ZNF503: variants seen among roughly 807,000 people sequenced by gnomAD.
ZNF503 encodes NocA-like zinc finger 2.
In ZNF503, 15 loss-of-function variants were observed where a neutral mutation model predicts 34.4. The observed-to-expected ratio is 0.44, with a 90% CI of 0.29 to 0.67. The LOEUF is 0.67. ZNF503 is among the 30% of genes least tolerant of loss of function. ZNF503 has a pLI of 0.13. For missense variants in ZNF503, 1,007 were observed against 926.8 expected, an observed-to-expected ratio of 1.09 and a Z score of -1.12; for synonymous variants, 580 against 456.8, an observed-to-expected ratio of 1.27 and a Z score of -3.44.
chr10:75,367,717 T>C, the ZNF503 span, among the ~76,000 whole-genome samples: 2 of 152,214 alleles, frequency 1.3e-5, no homozygotes, highest in African/African-American at 4.8e-5. Context: ...AAGCAGAAGG[T>C]GGCTGTGGAG....
In ZNF503 at chr10:75,401,163, T is replaced by C; in HGVS notation, c.257A>G (p.His86Arg). The C allele has an allele frequency of 1.2e-6, 2 of 1,611,778 alleles. No homozygotes were observed. Among genetic ancestry groups the C allele is most frequent in the Non-Finnish European group, 1.7e-6 (2 of 1,178,812 alleles). The change falls in exon 1 of 2, where the codon CAC (histidine) becomes CGC (arginine). Residue 86 changes from histidine (H) to arginine (R), a missense_variant. His to Arg is a conservative substitution (Grantham distance 29). Coordinates refer to ENST00000372524, the MANE Select transcript of ZNF503 (RefSeq NM_032772.6). ...VLKMLTARTG[H>R]ILHPEYLQPL... is the part of the protein sequence containing the mutation. ...CTGCAGGTACTCGGGGTGCAAAATG[T>C]GGCCAGTTCGTGCCGTCAGCATCTT...
chr10:75,318,845 C>G, the ZNF503 span, among the ~76,000 whole-genome samples: 1 of 151,972 alleles, frequency 6.6e-6, no homozygotes, highest in African/African-American at 2.4e-5. Context: ...GGCTTTCCTC[C>G]TCTTTTTAAA....
chr10:75,385,194 C>A, the ZNF503 span, among the ~76,000 whole-genome samples: 1 of 152,138 alleles, frequency 6.6e-6, no homozygotes, highest in Non-Finnish European at 1.5e-5. Flanking sequence ...GAGGGACTTG[C>A]TATGGCTGGA....
chr10:75,322,451 A>G, the ZNF503 span, among the ~76,000 whole-genome samples: 1 of 152,046 alleles, frequency 6.6e-6, no homozygotes, highest in Non-Finnish European at 1.5e-5. Flanking sequence ...TTTCGTGTAT[A>G]TTAGTTTCAT....
the ZNF503 span, among the ~76,000 whole-genome samples, chr10:75,337,353 G>A: frequency 6.0e-5 from 9 of 150,892 alleles, no homozygotes; most frequent in Non-Finnish European, 1.2e-4. Context: ...GGTGGGGCAC[G>A]GTGGCTCACA....
the ZNF503 span, among the ~76,000 whole-genome samples, chr10:75,354,036 C>T: frequency 2.0e-5 from 3 of 152,206 alleles, no homozygotes; most frequent in African/African-American, 7.2e-5. Context: ...CACATTTGAG[C>T]TGTCTTCAGG....
chr10:75,379,265 C>T, the ZNF503 span, among the ~76,000 whole-genome samples: 2 of 152,156 alleles, frequency 1.3e-5, no homozygotes, highest in African/African-American at 4.8e-5. Context: ...ACCATACATC[C>T]TGGGAGCTGT....
the ZNF503 span, among the ~76,000 whole-genome samples, chr10:75,315,318 C>G: frequency 2.6e-5 from 4 of 152,130 alleles, no homozygotes; most frequent in Admixed American, 2.0e-4. Flanking sequence ...TGTGATCATG[C>G]CACTGAATCC....
At chr10:75,379,878 C>T in the ZNF503 span, among the ~76,000 whole-genome samples, 17 of 152,320 alleles carry the variant, frequency 1.1e-4, no homozygotes, top group Admixed American at 2.6e-4. Flanking sequence ...AGGAGAGAGG[C>T]CATCCAAATG....
chr10:75,290,715 T>A, the ZNF503 span, among the ~76,000 whole-genome samples: 6 of 152,242 alleles, frequency 3.9e-5, 2 homozygotes, highest in Admixed American at 3.9e-4. Flanking sequence ...TCCATAAACT[T>A]AGGAAGATGA....
chr10:75,281,804 G>C, the ZNF503 span, among the ~76,000 whole-genome samples: 2 of 152,186 alleles, frequency 1.3e-5, no homozygotes, highest in Non-Finnish European at 2.9e-5. Context: ...ATAGACCCGG[G>C]TCCAGAGGAC....
At position 75,399,626 on chromosome 10, in the gene ZNF503, G is replaced by A. The variant is rs781098421; in HGVS notation, c.1064C>T (p.Ala355Val). ...CAGGCTGCCTGGGTAGGTCATACCC[G>A]CGGGAGGCAGAGGGAACACTGTCTG... ...PGQTVFPLPP[A>V]GMTYPGSLAG... Residue 355 changes from alanine to valine, a missense_variant, in exon 2 of 2, where the codon GCG becomes GTG. Physicochemically the swap from Ala to Val is moderately conservative, Grantham distance 64. Coordinates refer to ENST00000372524, the MANE Select transcript of ZNF503 (RefSeq NM_032772.6). 7 of 1,598,446 alleles carry A rather than the reference G, an allele frequency of 4.4e-6. 1 individual carries two copies. The South Asian group carries it at 4.4e-5, about 10-fold the overall frequency.
the ZNF503 span, among the ~76,000 whole-genome samples, chr10:75,298,286 C>G: frequency 6.6e-6 from 1 of 152,264 alleles, no homozygotes; most frequent in South Asian, 2.1e-4. Context: ...AAATATCACC[C>G]CTATTTAATT....
At chr10:75,301,390 G>A in the ZNF503 span, among the ~76,000 whole-genome samples, 1 of 152,004 alleles carries the variant, frequency 6.6e-6, no homozygotes, top group Non-Finnish European at 1.5e-5. Context: ...ACAGGCATGT[G>A]CCACCACACC....
the ZNF503 span, among the ~76,000 whole-genome samples, chr10:75,300,907 T>C: frequency 6.6e-6 from 1 of 152,162 alleles, no homozygotes; most frequent in South Asian, 2.1e-4. Flanking sequence ...GGTTTCACTA[T>C]GTTGGCCAGG....
At chr10:75,287,224 G>A in the ZNF503 span, among the ~76,000 whole-genome samples, 2 of 152,096 alleles carry the variant, frequency 1.3e-5, no homozygotes, top group African/African-American at 4.8e-5. Flanking sequence ...TTGGGTGGCT[G>A]CCACCAGTCT....
At chr10:75,354,877 A>T in the ZNF503 span, among the ~76,000 whole-genome samples, 24 of 151,896 alleles carry the variant, frequency 1.6e-4, no homozygotes, top group Middle Eastern at 6.8e-3. Context: ...ATGGAGTCTC[A>T]CTCTATCGCC....
the ZNF503 span, among the ~76,000 whole-genome samples, chr10:75,354,891 G>A: frequency 6.6e-6 from 1 of 152,132 alleles, no homozygotes; most frequent in Non-Finnish European, 1.5e-5. Flanking sequence ...TATCGCCCAG[G>A]CTGGAGTGCA....
At chr10:75,373,423 C>T in the ZNF503 span, 4 of 152,206 alleles carry the variant, frequency 2.6e-5, no homozygotes, top group Non-Finnish European at 4.4e-5. Context: ...CCCAATAAAC[C>T]TGCGTGTACC....
Sources: allele counts gnomAD v4.1 joint callset (sites outside exome capture counted in the v4.1 genomes callset), GRCh38; gene constraint gnomAD v4.1.1; transcripts MANE v1.5; gene names NCBI Gene and HGNC (gene_info 2026-07-23, HGNC 2026-07-21).